Variants in EPM2AIP1 observed in about 807,000 individuals in gnomAD.
The protein encoded by EPM2AIP1 is EPM2A interacting protein 1.
Under a neutral mutation model 44.8 loss-of-function variants are expected in EPM2AIP1, and 23 were observed. The observed-to-expected ratio is 0.51, with a 90% CI of 0.37 to 0.73. EPM2AIP1 has a LOEUF of 0.73. Among genes scored for constraint, EPM2AIP1 ranks in the 30% least tolerant of loss-of-function variants. The pLI is 0.00. For missense variants in EPM2AIP1, 652 were observed against 743.9 expected, an observed-to-expected ratio of 0.88 and a Z score of 1.44; for synonymous variants, 311 against 284.3, an observed-to-expected ratio of 1.09 and a Z score of -0.94.
rs1445663178 is a variant in EPM2AIP1 at position 36,991,243 on chromosome 3, A to T, written c.*11T>A. On this transcript the variant is annotated 3_prime_UTR_variant, in exon 1 of 1. Coordinates refer to ENST00000322716, the MANE Select transcript of EPM2AIP1 (RefSeq NM_014805.4). ...TTCTTGTTGAGTTTTTCAATCTTGTACTACAAAGCCTTATGGATTAGATTC... is the reference window on the plus strand; with the variant it reads ...TTCTTGTTGAGTTTTTCAATCTTGTTCTACAAAGCCTTATGGATTAGATTC... 6.4e-7 allele frequency: 1 copy of T among 1,551,054 alleles called. No homozygotes were observed. Among genetic ancestry groups the T allele is most frequent in the Non-Finnish European group, 8.7e-7 (1 of 1,148,220 alleles).
Position 36,993,032 on chromosome 3 carries a change from G to A in EPM2AIP1, c.46C>T (p.Leu16=), listed in dbSNP as rs755726189. ...TGGGTCCACTCGGGCCGGAAAACTA[G>A]AGCCTCGTCGACTTCCATCTTGCTT... ...KRSKMEVDEA[L]VFRPEWTQRY... Residue 16 remains leucine, a synonymous_variant, in exon 1 of 1, where the codon CTA becomes TTA. Transcript: ENST00000322716. 6.8e-6 allele frequency: 11 copies of A among 1,611,490 alleles called. No individual in the cohort carries two copies. In the Admixed American group the frequency reaches 1.2e-4, roughly 17 times the overall value.
chr3:36,988,221 G>A lies in EPM2AIP1; in HGVS notation c.*3033C>T, dbSNP rs2080780683. 6.6e-6 allele frequency: 1 copy of A among 152,148 alleles called. No homozygotes were observed. Among genetic ancestry groups the A allele is most frequent in the Non-Finnish European group, 1.5e-5 (1 of 68,024 alleles). The allele number at this position is 152,148 out of a possible 1,614,324, so 9.4% of individuals were successfully genotyped here. A position where few individuals can be genotyped will look rare whatever the true frequency, so the allele number is the denominator to read the frequency against. On this transcript the variant is annotated 3_prime_UTR_variant, in exon 1 of 1. Transcript: ENST00000322716. ...GAGCAATTTGGTTGTAGTGTAGAAA[G>A]GAATAAAAATAAAAAACAGGGAGAC... is the stretch of plus-strand genomic sequence containing the variant.
Position 36,992,510 on chromosome 3 carries a change from A to T in EPM2AIP1, c.568T>A (p.Tyr190Asn). ...DDQAFVAYEN[Y>N]LLVFIRGVGP... ...ACACCGCGGATAAAGACCAGGAGGT[A>T]GTTCTCATAGGCCACAAAAGCCTGG... Residue 190 changes from tyrosine to asparagine, a missense_variant, in exon 1 of 1, where the codon TAC becomes AAC. Tyr to Asn is a moderately radical substitution (Grantham distance 143). Transcript: ENST00000322716. This position sits in a 1 kb window ranked among gnomAD's most constrained non-coding sequence, Gnocchi z 5.3. The T allele has an allele frequency of 6.2e-7, 1 of 1,614,028 alleles. No homozygotes were observed. The highest frequency in any genetic ancestry group is 8.5e-7 in the Non-Finnish European group (1 of 1,179,890).
rs1266246374 is a variant in EPM2AIP1 at position 36,985,525 on chromosome 3, T to C, written c.*5729A>G. 6.6e-6 allele frequency: 1 copy of C among 152,188 alleles called. No individual in the cohort carries two copies. The highest frequency in any genetic ancestry group is 1.5e-5 in the Non-Finnish European group (1 of 68,022). The allele number at this position is 152,188 out of a possible 1,614,324, so 9.4% of individuals were successfully genotyped here. A position where few individuals can be genotyped will look rare whatever the true frequency, so the allele number is the denominator to read the frequency against. ...GGTGTTGTCTTCCAAATATTTCTGG[T>C]TTTTCTCCCAGGTATATGCAAGGAT... On this transcript the variant is annotated 3_prime_UTR_variant, in exon 1 of 1. Coordinates refer to ENST00000322716, the MANE Select transcript of EPM2AIP1 (RefSeq NM_014805.4).
In EPM2AIP1 at chr3:36,992,661, G is replaced by A. The variant is rs576422150; in HGVS notation, c.417C>T (p.Val139=). The A allele has an allele frequency of 3.8e-5, 62 of 1,613,868 alleles. No individual in the cohort carries two copies. The highest frequency in any genetic ancestry group is 4.7e-5 in the Non-Finnish European group (56 of 1,179,910). Residue 139 remains valine (V), a synonymous_variant, in exon 1 of 1, where the codon GTC becomes GTT. Transcript: ENST00000322716. This position sits in a 1 kb window ranked among gnomAD's most constrained non-coding sequence, Gnocchi z 5.3. ...LREVLPEHVS[V]LQGVDLSPDI... ...CTGGAGATAAGTCAACGCCTTGCAG[G>A]ACGCTTACATGCTCGGGCAGTACCT... is the stretch of plus-strand genomic sequence containing the variant.
Position 36,988,870 on chromosome 3 carries a change from A to G in EPM2AIP1, c.*2384T>C, listed in dbSNP as rs955102868. 1 of 151,854 alleles carries G rather than the reference A, an allele frequency of 6.6e-6. No homozygotes were observed. 9.4% of individuals were successfully genotyped at this position (151,854 alleles called of 1,614,324 possible). Reference sequence around the variant, plus strand: ...TTTTTTTAATGTACGTATTTTAACTATATTCACTGCTACAACAGGACCAGT... The same window carrying G: ...TTTTTTTAATGTACGTATTTTAACTGTATTCACTGCTACAACAGGACCAGT... On this transcript the variant is annotated 3_prime_UTR_variant, in exon 1 of 1. Coordinates refer to ENST00000322716, the MANE Select transcript of EPM2AIP1 (RefSeq NM_014805.4).
Position 36,992,499 on chromosome 3 carries a change from G to C in EPM2AIP1, c.579C>G (p.Val193=), listed in dbSNP as rs1456440730. The C allele has an allele frequency of 1.2e-6, 2 of 1,613,994 alleles. No individual in the cohort carries two copies. The highest frequency in any genetic ancestry group is 4.5e-5 in the East Asian group (2 of 44,890). Residue 193 remains valine, a synonymous_variant, in exon 1 of 1, where the codon GTC becomes GTG. Coordinates refer to ENST00000322716, the MANE Select transcript of EPM2AIP1 (RefSeq NM_014805.4). This position sits in a 1 kb window ranked among gnomAD's most constrained non-coding sequence, Gnocchi z 5.3. ...ACTCAGGGCCTACACCGCGGATAAA[G>C]ACCAGGAGGTAGTTCTCATAGGCCA... ...AFVAYENYLL[V]FIRGVGPELE... is the part of the protein sequence containing the mutation.
In EPM2AIP1 at chr3:36,992,589, G is replaced by C; in HGVS notation, c.489C>G (p.Asn163Lys). 1 of 1,614,026 alleles carries C rather than the reference G, an allele frequency of 6.2e-7. No homozygotes were observed. The highest frequency in any genetic ancestry group is 8.5e-7 in the Non-Finnish European group (1 of 1,179,908). ...AGTCCCTGGCTCGGTTAAAAAGCTG[G>C]TTGCGTAGATTCCTGTCAATGCTCA... ...RILSIDRNLRNQLFNRARDFK... is the reference protein window; with the variant it reads ...RILSIDRNLRKQLFNRARDFK... The change falls in exon 1 of 1, where the codon AAC (asparagine) becomes AAG (lysine). Residue 163 changes from asparagine (N) to lysine (K), a missense_variant. Coordinates refer to ENST00000322716, the MANE Select transcript of EPM2AIP1 (RefSeq NM_014805.4). This position sits in a 1 kb window ranked among gnomAD's most constrained non-coding sequence, Gnocchi z 5.3.
Position 36,992,812 on chromosome 3 carries a change from G to A in EPM2AIP1, c.266C>T (p.Ala89Val), listed in dbSNP as rs1290873471. Residue 89 changes from alanine (A) to valine (V), a missense_variant, in exon 1 of 1, where the codon GCC becomes GTC. By Grantham distance (64) the Ala-to-Val change is moderately conservative. Transcript: ENST00000322716. This position sits in a 1 kb window ranked among gnomAD's most constrained non-coding sequence, Gnocchi z 5.3. Reference protein sequence around the residue: ...ERLRQGDLPVASFTPEERAAR... With the variant: ...ERLRQGDLPVVSFTPEERAAR... Reference sequence around the variant, plus strand: ...AGCTCTCTCTTCAGGAGTGAAGGAGGCCACGGGCAAGTCGCCCTGACGCAG... The same window carrying A: ...AGCTCTCTCTTCAGGAGTGAAGGAGACCACGGGCAAGTCGCCCTGACGCAG... 4.3e-6 allele frequency: 7 copies of A among 1,612,498 alleles called. No individual in the cohort carries two copies. The highest frequency in any genetic ancestry group is 5.9e-6 in the Non-Finnish European group (7 of 1,179,826).
Position 36,985,097 on chromosome 3 carries a change from T to A in EPM2AIP1, c.*6157A>T, listed in dbSNP as rs1241196201. 6.6e-6 allele frequency: 1 copy of A among 152,192 alleles called. No homozygotes were observed. The highest frequency in any genetic ancestry group is 1.5e-5 in the Non-Finnish European group (1 of 68,034). The allele number at this position is 152,192 out of a possible 1,614,324, so 9.4% of individuals were successfully genotyped here. On this transcript the variant is annotated 3_prime_UTR_variant, in exon 1 of 1. Coordinates refer to ENST00000322716, the MANE Select transcript of EPM2AIP1 (RefSeq NM_014805.4). Reference sequence around the variant, plus strand: ...ACCACAAGCTGGAAACAACCTAAATTTCTATCAACGGTAGAATGGGTAAGT... The same window carrying A: ...ACCACAAGCTGGAAACAACCTAAATATCTATCAACGGTAGAATGGGTAAGT...
chr3:36,986,607 CCT>C lies in EPM2AIP1; in HGVS notation c.*4645_*4646del, dbSNP rs991364165. The C allele has an allele frequency of 5.9e-5, 9 of 151,784 alleles. No individual in the cohort carries two copies. The highest frequency in any genetic ancestry group is 1.5e-4 in the African/African-American group (6 of 41,278). 9.4% of individuals were successfully genotyped at this position (151,784 alleles called of 1,614,324 possible). Reference sequence around the variant, plus strand: ...ACTAGCCTGGGGAATACAGCAAGACCCTGTCTCCACATAAAAATACAAAAATT... The same window carrying C: ...ACTAGCCTGGGGAATACAGCAAGACCGTCTCCACATAAAAATACAAAAATT... On this transcript the variant is annotated 3_prime_UTR_variant, in exon 1 of 1. Transcript: ENST00000322716.
In EPM2AIP1 at chr3:36,992,986, G is replaced by T; in HGVS notation, c.92C>A (p.Pro31His). ...EWTQRYLVVE[P>H]PEGDGALCLV... Reference sequence around the variant, plus strand: ...GCACAGGGCCCCATCGCCCTCCGGAGGCTCCACCACCAAATAACGCTGGGT... The same window carrying T: ...GCACAGGGCCCCATCGCCCTCCGGATGCTCCACCACCAAATAACGCTGGGT... Residue 31 changes from proline to histidine, a missense_variant, in exon 1 of 1, where the codon CCT (proline) becomes CAT (histidine). Physicochemically the swap from Pro to His is moderately conservative, Grantham distance 77. Transcript: ENST00000322716. This position sits in a 1 kb window ranked among gnomAD's most constrained non-coding sequence, Gnocchi z 5.3. 1 of 1,613,128 alleles carries T rather than the reference G, an allele frequency of 6.2e-7. No homozygotes were observed. Among genetic ancestry groups the T allele is most frequent in the Non-Finnish European group, 8.5e-7 (1 of 1,179,874 alleles).
rs935515475 is a variant in EPM2AIP1 at position 36,988,508 on chromosome 3, C to A, written c.*2746G>T. The A allele has an allele frequency of 2.0e-5, 3 of 152,034 alleles. No individual in the cohort carries two copies. Among genetic ancestry groups the A allele is most frequent in the Admixed American group, 6.6e-5 (1 of 15,262 alleles). The allele number at this position is 152,034 out of a possible 1,614,324, so 9.4% of individuals were successfully genotyped here. A position where few individuals can be genotyped will look rare whatever the true frequency, so the allele number is the denominator to read the frequency against. On this transcript the variant is annotated 3_prime_UTR_variant, in exon 1 of 1. Coordinates refer to ENST00000322716, the MANE Select transcript of EPM2AIP1 (RefSeq NM_014805.4). ...GAGATATGAATCTGACAGTCATTTG[C>A]ATATAAATGGTAAGGAAACCATGGA... is the stretch of plus-strand genomic sequence containing the variant.
In EPM2AIP1 at chr3:36,988,992, T is replaced by TC. The variant is rs1000863739; in HGVS notation, c.*2261_*2262insG. 5.3e-5 allele frequency: 8 copies of TC among 149,782 alleles called. No homozygotes were observed. The highest frequency in any genetic ancestry group is 3.9e-4 in the East Asian group (2 of 5,182). The allele number at this position is 149,782 out of a possible 1,614,324, so 9.3% of individuals were successfully genotyped here. ...AAATACACTTTTTTCTTTTTCTTTT[T>TC]TTTTTTTTTTTTTTACAAACAAGAC... On this transcript the variant is annotated 3_prime_UTR_variant, in exon 1 of 1. Transcript: ENST00000322716.
In EPM2AIP1 at chr3:36,991,270, T is replaced by C; in HGVS notation, c.1808A>G (p.Asn603Ser). Residue 603 changes from asparagine to serine, a missense_variant, in exon 1 of 1, where the codon AAT becomes AGT. By Grantham distance (46) the Asn-to-Ser change is conservative. Transcript: ENST00000322716. ...PGWDDLVRER[N>S]ESNP The stretch of plus-strand genomic sequence containing the variant: ...TACAAAGCCTTATGGATTAGATTCA[T>C]TTCTTTCTCTCACAAGGTCATCCCA... 1 of 1,607,094 alleles carries C rather than the reference T, an allele frequency of 6.2e-7. No homozygotes were observed. The highest frequency in any genetic ancestry group is 8.5e-7 in the Non-Finnish European group (1 of 1,175,612).
In EPM2AIP1 at chr3:36,991,173, T is replaced by C. The variant is rs548836510; in HGVS notation, c.*81A>G. 3.0e-5 allele frequency: 45 copies of C among 1,493,502 alleles called. No individual in the cohort carries two copies. Among genetic ancestry groups the C allele is most frequent in the South Asian group, 4.4e-5 (3 of 68,326 alleles). 92.5% of individuals were successfully genotyped at this position (1,493,502 alleles called of 1,614,324 possible). A position where few individuals can be genotyped will look rare whatever the true frequency, so the allele number is the denominator to read the frequency against. On this transcript the variant is annotated 3_prime_UTR_variant, in exon 1 of 1. Transcript: ENST00000322716. Reference sequence around the variant, plus strand: ...CTTGGTACTTTCTCACAATCCAAATTAGTAAACTTGAAAACTCAAACCAAT... The same window carrying C: ...CTTGGTACTTTCTCACAATCCAAATCAGTAAACTTGAAAACTCAAACCAAT...
chr3:36,987,823 GAC>G lies in EPM2AIP1; in HGVS notation c.*3429_*3430del, dbSNP rs1247912651. 1.3e-5 allele frequency: 2 copies of G among 152,182 alleles called. No homozygotes were observed. Among genetic ancestry groups the G allele is most frequent in the African/African-American group, 4.8e-5 (2 of 41,446 alleles). The allele number at this position is 152,182 out of a possible 1,614,324, so 9.4% of individuals were successfully genotyped here. ...CAGAATGACTGTGAAGGTCAAATAA[GAC>G]TGTGAAAGAGCTTCAAAAATTGTAA... On this transcript the variant is annotated 3_prime_UTR_variant, in exon 1 of 1. Transcript: ENST00000322716.
In EPM2AIP1 at chr3:36,986,547, G is replaced by A. The variant is rs1376227304; in HGVS notation, c.*4707C>T. On this transcript the variant is annotated 3_prime_UTR_variant, in exon 1 of 1. Transcript: ENST00000322716. ...TATAACACCAACATTTTGGGAGCCC[G>A]AGGCGGGCGGACTGCTTGAGTCCAG... is the stretch of plus-strand genomic sequence containing the variant. 2.6e-5 allele frequency: 4 copies of A among 152,226 alleles called. No homozygotes were observed. Among genetic ancestry groups the A allele is most frequent in the African/African-American group, 9.6e-5 (4 of 41,532 alleles). The allele number at this position is 152,226 out of a possible 1,614,324, so 9.4% of individuals were successfully genotyped here. A position where few individuals can be genotyped will look rare whatever the true frequency, so the allele number is the denominator to read the frequency against.
In EPM2AIP1 at chr3:36,992,367, G is replaced by C; in HGVS notation, c.711C>G (p.Ser237Arg). The C allele has an allele frequency of 6.2e-7, 1 of 1,613,952 alleles. No individual in the cohort carries two copies. Among genetic ancestry groups the C allele is most frequent in the Non-Finnish European group, 8.5e-7 (1 of 1,179,880 alleles). The change falls in exon 1 of 1, where the codon AGC becomes AGG. Residue 237 changes from serine to arginine, a missense_variant. Ser to Arg is a moderately radical substitution (Grantham distance 110). Transcript: ENST00000322716. The surrounding 1 kb of genome is among the most constrained non-coding windows in gnomAD (Gnocchi z 5.3). ...ILESLQTAGL[S>R]LQRMVGLTTT... is the part of the protein sequence containing the mutation. Reference sequence around the variant, plus strand: ...TGGTCAGTCCAACCATTCTCTGCAAGCTAAGCCCTGCTGTCTGCAGGGACT... The same window carrying C: ...TGGTCAGTCCAACCATTCTCTGCAACCTAAGCCCTGCTGTCTGCAGGGACT...
Sources: gnomAD v4.1 joint callset for allele counts on GRCh38, gnomAD v4.1.1 for gene constraint, Gnocchi (gnomAD v3.1) non-coding constraint, MANE v1.5 for transcripts, NCBI Gene and HGNC (gene_info 2026-07-23, HGNC 2026-07-21) for gene names.